ADAMTSL1: variants seen among roughly 807,000 people sequenced by gnomAD.
The protein encoded by ADAMTSL1 is ADAMTS-like protein 1.
In ADAMTSL1, 126 loss-of-function variants were observed where a neutral mutation model predicts 201.8. That is an observed-to-expected ratio of 0.62 (90% confidence interval 0.54 to 0.72). The LOEUF is 0.72. ADAMTSL1 is among the 30% of genes least tolerant of loss of function. The pLI, the probability that ADAMTSL1 is intolerant of heterozygous loss-of-function variation, is 0.00. For missense variants in ADAMTSL1, 2,679 were observed against 2,277.8 expected, an observed-to-expected ratio of 1.18 and a Z score of -3.59; for synonymous variants, 1,121 against 903.4, an observed-to-expected ratio of 1.24 and a Z score of -4.32.
At chr9:18,629,913 A>C (rs1018921019) in intron 5 of ADAMTSL1, among the ~76,000 whole-genome samples, 1 of 152,194 alleles carries the variant, frequency 6.6e-6, no homozygotes, top group Non-Finnish European at 1.5e-5. Context: ...ATGGAACACC[A>C]TTATAGTAAC....
intron 2 of ADAMTSL1, among the ~76,000 whole-genome samples, chr9:18,265,894 C>G (rs1013953211): frequency 6.6e-6 from 1 of 152,088 alleles, no homozygotes; most frequent in African/African-American, 2.4e-5. Context: ...TAAATATCAC[C>G]TAGAATGAAA....
intron 2 of ADAMTSL1, among the ~76,000 whole-genome samples, chr9:18,426,819 G>C (rs575270674): frequency 6.6e-6 from 1 of 152,060 alleles, no homozygotes; most frequent in Non-Finnish European, 1.5e-5. Flanking sequence ...TTTTATGCTC[G>C]TAATCTGAAA....
chr9:18,139,288 G>C (rs776370668), intron 1 of ADAMTSL1, among the ~76,000 whole-genome samples: 5 of 152,192 alleles, frequency 3.3e-5, no homozygotes, highest in Non-Finnish European at 7.3e-5. Context: ...TCCCAAGGCA[G>C]AGGAGGGCAC....
chr9:18,195,235 T>G (rs145237610), intron 2 of ADAMTSL1, among the ~76,000 whole-genome samples: 4,331 of 152,258 alleles, frequency 0.028, 74 homozygotes, highest in Middle Eastern at 0.045. Flanking sequence ...GGTTCTACCC[T>G]TGCGCAGCCT....
At chr9:18,141,990 G>C (rs1826418703) in intron 1 of ADAMTSL1, among the ~76,000 whole-genome samples, 1 of 152,196 alleles carries the variant, frequency 6.6e-6, no homozygotes, top group African/African-American at 2.4e-5. Flanking sequence ...CTTTACATCT[G>C]TATCACCTGG....
intron 2 of ADAMTSL1, among the ~76,000 whole-genome samples, chr9:18,206,966 A>G (rs1385315140): frequency 6.6e-6 from 1 of 152,060 alleles, no homozygotes; most frequent in Non-Finnish European, 1.5e-5. Flanking sequence ...GGAGTTTGAG[A>G]TCAGCCTGGC....
intron 2 of ADAMTSL1, among the ~76,000 whole-genome samples, chr9:18,245,502 T>G (rs578107950): frequency 6.6e-6 from 1 of 152,092 alleles, no homozygotes. Context: ...AAAGGCACTT[T>G]AGGCTAATAC....
At chr9:18,216,218 G>C (rs572489200) in intron 2 of ADAMTSL1, among the ~76,000 whole-genome samples, 1 of 152,150 alleles carries the variant, frequency 6.6e-6, no homozygotes, top group Admixed American at 6.5e-5. Flanking sequence ...TTTGTTGTTC[G>C]TTGTCAAAAC....
Position 18,816,092 on chromosome 9 carries a change from TG to T in ADAMTSL1, c.3806-1016del, listed in dbSNP as rs140665532. On this transcript the variant is annotated intron_variant, in intron 20 of 28. Transcript: ENST00000380548. ...ATAATACCAGAACTTATTCCTCCTA[TG>T]TAACTATAACTTTGTGCCTCTTGAC... 5.3e-3 allele frequency among the ~76,000 whole-genome samples: 814 copies of T among 152,310 alleles called. 3 individuals are homozygous for T. Among genetic ancestry groups the T allele is most frequent in the Non-Finnish European group, 8.4e-3 (570 of 68,030 alleles).
intron 19 of ADAMTSL1, among the ~76,000 whole-genome samples, chr9:18,790,307 G>C (rs1821949044): frequency 6.6e-6 from 1 of 152,114 alleles, no homozygotes; most frequent in Non-Finnish European, 1.5e-5. Context: ...TGGAGTCCGA[G>C]TCTCTTGGTT....
intron 4 of ADAMTSL1, among the ~76,000 whole-genome samples, chr9:18,586,612 A>T (rs1395931428): frequency 1.3e-5 from 2 of 152,120 alleles, no homozygotes; most frequent in African/African-American, 4.8e-5. Context: ...ATTCATATGG[A>T]ATTTTAAAAA....
chr9:17,962,818 C>A (rs1817810265), intron 1 of ADAMTSL1, among the ~76,000 whole-genome samples: 1 of 152,224 alleles, frequency 6.6e-6, no homozygotes, highest in African/African-American at 2.4e-5. Context: ...GACAACTTTG[C>A]ACAGCGTGCA....
chr9:18,168,525 T>C (rs1827738590), intron 2 of ADAMTSL1, among the ~76,000 whole-genome samples: 1 of 151,874 alleles, frequency 6.6e-6, no homozygotes, highest in Non-Finnish European at 1.5e-5. Flanking sequence ...CAGTCTATCA[T>C]TGTTGGACAT....
At chr9:18,787,818 C>T (rs1821790141) in intron 19 of ADAMTSL1, among the ~76,000 whole-genome samples, 1 of 152,038 alleles carries the variant, frequency 6.6e-6, no homozygotes, top group African/African-American at 2.4e-5. Flanking sequence ...TTTGAGGACC[C>T]CTATCCCTAG....
chr9:18,248,640 C>T (rs1405976994), intron 2 of ADAMTSL1, among the ~76,000 whole-genome samples: 2 of 152,146 alleles, frequency 1.3e-5, no homozygotes, highest in African/African-American at 2.4e-5. Context: ...CAGAGCCTCT[C>T]CAGGACTAGG....
chr9:18,559,299 C>T (rs1564047051), intron 3 of ADAMTSL1, among the ~76,000 whole-genome samples: 1 of 152,078 alleles, frequency 6.6e-6, no homozygotes, highest in Non-Finnish European at 1.5e-5. Flanking sequence ...TCAGGTTTGT[C>T]AAAGATCAGG....
rs1326174955 is a variant in ADAMTSL1, at chr9:18,776,141, T to C, written c.2551+245T>C. 2.6e-5 allele frequency among the ~76,000 whole-genome samples: 4 copies of C among 152,176 alleles called. No individual in the cohort carries two copies. The South Asian group carries it at 8.3e-4, about 32-fold the overall frequency. ...TGCAGGGGGGTAGAGCAAAGTTCAC[T>C]TGCTGGCATACAGAGATCTGGAAGC... On this transcript the variant is annotated intron_variant, in intron 18 of 28. Coordinates refer to ENST00000380548, the MANE Select transcript of ADAMTSL1 (RefSeq NM_001040272.6).
At chr9:18,124,596 A>G (rs998509008) in intron 1 of ADAMTSL1, among the ~76,000 whole-genome samples, 4 of 152,164 alleles carry the variant, frequency 2.6e-5, no homozygotes, top group Admixed American at 6.6e-5. Flanking sequence ...ATGAAGTCCA[A>G]TTGAACATGC....
At chr9:18,228,553 G>C (rs917882627) in intron 2 of ADAMTSL1, among the ~76,000 whole-genome samples, 1 of 152,078 alleles carries the variant, frequency 6.6e-6, no homozygotes, top group African/African-American at 2.4e-5. Context: ...CTGGGTAGCT[G>C]GAACTACAGG....
Sources: allele counts gnomAD v4.1 joint callset (sites outside exome capture counted in the v4.1 genomes callset), GRCh38; gene constraint gnomAD v4.1.1; transcripts MANE v1.5; gene names NCBI Gene and HGNC (gene_info 2026-07-23, HGNC 2026-07-21).